The following MFAP3L variants were observed in gnomAD, a reference collection of about 807,000 sequenced individuals.
The protein encoded by MFAP3L is microfibril associated protein 3 like.
Under a neutral mutation model 20.0 loss-of-function variants are expected in MFAP3L, and 5 were observed. The observed-to-expected ratio is 0.25, with a 90% CI of 0.13 to 0.53. The LOEUF (loss-of-function observed/expected upper bound fraction) is 0.53. Ranked by LOEUF, MFAP3L falls within the 20% of genes least tolerant of loss-of-function variation. The probability of loss-of-function intolerance (pLI) is 0.96; values close to 1 mark genes in which losing one functional copy is unlikely to be tolerated. For missense variants in MFAP3L, 409 were observed against 527.5 expected, an observed-to-expected ratio of 0.78 and a Z score of 2.20; for synonymous variants, 219 against 213.0, an observed-to-expected ratio of 1.03 and a Z score of -0.25.
At chr4:170,023,322 A>G (rs1296666684) in intron 1 of MFAP3L, among the ~76,000 whole-genome samples, 2 of 152,102 alleles carry the variant, frequency 1.3e-5, no homozygotes, top group Non-Finnish European at 2.9e-5. Flanking sequence ...TCTAACTATA[A>G]AAGTTTGTGG....
chr4:170,002,189 T>C, intron 2 of MFAP3L: 2 of 985,338 alleles, frequency 2.0e-6, no homozygotes, highest in South Asian at 9.4e-5. Flanking sequence ...TCACTCAGTC[T>C]GAGTGAGAGG....
chr4:169,997,799 A>ATTATTTTTT (rs141898176), intron 2 of MFAP3L: 6 of 890,652 alleles, frequency 6.7e-6, no homozygotes, highest in African/African-American at 8.3e-5. Context: ...CCTTTCATTA[A>ATTATTTTTT]TTCTTTTTTT....
chr4:170,019,691 G>C (rs535618704), intron 1 of MFAP3L, among the ~76,000 whole-genome samples: 39 of 152,314 alleles, frequency 2.6e-4, no homozygotes, highest in African/African-American at 7.2e-4. Context: ...GACAATTCTG[G>C]AGCACTTTAT....
intron 2 of MFAP3L, chr4:170,005,375 C>T: frequency 3.2e-6 from 2 of 621,256 alleles, no homozygotes; most frequent in Non-Finnish European, 5.5e-6. Flanking sequence ...TGTGTTTGTC[C>T]TTTGTCTTCT....
At chr4:170,006,388 C>T (rs1439570383) in intron 1 of MFAP3L, among the ~76,000 whole-genome samples, 1 of 152,180 alleles carries the variant, frequency 6.6e-6, no homozygotes, top group Non-Finnish European at 1.5e-5. Context: ...GCTGGGATTA[C>T]AGGCGTGAGC....
chr4:169,994,272 G>A (rs1737964995), intron 2 of MFAP3L: 1 of 985,306 alleles, frequency 1.0e-6, no homozygotes, highest in South Asian at 4.7e-5. Flanking sequence ...TGTGAAGAAT[G>A]GTTAGGATCA....
chr4:170,014,702 C>T (rs901615051), intron 1 of MFAP3L, among the ~76,000 whole-genome samples: 14 of 152,182 alleles, frequency 9.2e-5, no homozygotes, highest in African/African-American at 3.1e-4. Flanking sequence ...AATTCTGGAT[C>T]GTTTGCAAAC....
chr4:169,994,621 T>C (rs1168004365), intron 2 of MFAP3L: 14 of 886,342 alleles, frequency 1.6e-5, no homozygotes, highest in African/African-American at 1.8e-5. Flanking sequence ...AACCAAGCAG[T>C]TCAATTTAGA....
chr4:170,000,193 T>C (rs73864512), intron 2 of MFAP3L, among the ~76,000 whole-genome samples: 2,269 of 152,290 alleles, frequency 0.015, 68 homozygotes, highest in African/African-American at 0.052. Context: ...TATGCAGAAG[T>C]GATGCACCAG....
At chr4:170,007,604 C>A (rs1739126751) in intron 1 of MFAP3L, among the ~76,000 whole-genome samples, 1 of 152,224 alleles carries the variant, frequency 6.6e-6, no homozygotes, top group African/African-American at 2.4e-5. Flanking sequence ...AATGATGCTT[C>A]TCCAATCTAT....
intron 2 of MFAP3L, chr4:170,001,823 C>A (rs938205410): frequency 4.4e-6 from 3 of 679,070 alleles, no homozygotes; most frequent in Non-Finnish European, 5.4e-6. Flanking sequence ...AGAGATCACA[C>A]ATTAGCCTCT....
At position 170,026,216 on chromosome 4, in the gene MFAP3L, C is replaced by T. The variant is rs1210830718; in HGVS notation, c.-134+18G>A. 5.1e-6 allele frequency: 5 copies of T among 984,328 alleles called. No homozygotes were observed. The highest frequency in any genetic ancestry group is 6.0e-6 in the Non-Finnish European group (5 of 829,444). 61.0% of individuals were successfully genotyped at this position (984,328 alleles called of 1,614,324 possible). The stretch of plus-strand genomic sequence containing the variant: ...ACCCGTGCCCCTCCGCCCCGGCCCG[C>T]CGGGGGCCCCCGCTAACCTGACACC... On this transcript the variant is annotated intron_variant, in intron 1 of 2. Transcript: ENST00000361618.
At position 169,994,523 on chromosome 4, in the gene MFAP3L, TTGAA is replaced by T. The variant is rs1184636375; in HGVS notation, c.299-2218_299-2215del. The T allele has an allele frequency of 5.1e-6, 5 of 974,808 alleles. No individual in the cohort carries two copies. In the African/African-American group the frequency reaches 8.8e-5, roughly 17 times the overall value. 60.4% of individuals were successfully genotyped at this position (974,808 alleles called of 1,614,324 possible). ...TACAACATCCCAATGCTTTCCTCTA[TTGAA>T]TATTTAAAAATGTTTCTGAACGTGA... On this transcript the variant is annotated intron_variant, in intron 2 of 2. Coordinates refer to ENST00000361618, the MANE Select transcript of MFAP3L (RefSeq NM_021647.8).
Position 169,989,571 on chromosome 4 carries a change from G to C in MFAP3L, c.*1807C>G, listed in dbSNP as rs560924797. Reference sequence around the variant, plus strand: ...ACTAGAAGGGATCCTGTAGACCCTCGAGTACTACCTGCATATTTTACAGAT... The same window carrying C: ...ACTAGAAGGGATCCTGTAGACCCTCCAGTACTACCTGCATATTTTACAGAT... On this transcript the variant is annotated 3_prime_UTR_variant, in exon 3 of 3. Coordinates refer to ENST00000361618, the MANE Select transcript of MFAP3L (RefSeq NM_021647.8). 3 of 152,154 alleles carry C rather than the reference G, an allele frequency of 2.0e-5. No homozygotes were observed. The highest frequency in any genetic ancestry group is 7.2e-5 in the African/African-American group (3 of 41,428). The allele number at this position is 152,154 out of a possible 1,614,324, so 9.4% of individuals were successfully genotyped here. A position where few individuals can be genotyped will look rare whatever the true frequency, so the allele number is the denominator to read the frequency against.
rs1739464273 is a variant in MFAP3L, at chr4:170,012,801, C to T, written c.-133-6791G>A. On this transcript the variant is annotated intron_variant, in intron 1 of 2. Coordinates refer to ENST00000361618, the MANE Select transcript of MFAP3L (RefSeq NM_021647.8). ...GTAGTGTTAGGATAATTTCCAGCTACTTAATGGGTAGAACTAAATATACAC... is the reference window on the plus strand; with the variant it reads ...GTAGTGTTAGGATAATTTCCAGCTATTTAATGGGTAGAACTAAATATACAC... Among the ~76,000 whole-genome samples, 3 of 152,180 alleles carry T rather than the reference C, an allele frequency of 2.0e-5. No individual in the cohort carries two copies. In the South Asian group the frequency reaches 6.2e-4, roughly 32 times the overall value.
intron 2 of MFAP3L, chr4:169,994,523 T>C (rs972572823): frequency 5.1e-6 from 5 of 974,808 alleles, no homozygotes; most frequent in African/African-American, 1.8e-5. Flanking sequence ...CTTTCCTCTA[T>C]TGAATATTTA....
Position 170,017,056 on chromosome 4 carries a change from G to A in MFAP3L, c.-134+9178C>T, listed in dbSNP as rs564876129. Among the ~76,000 whole-genome samples, 6 of 152,276 alleles carry A rather than the reference G, an allele frequency of 3.9e-5. No homozygotes were observed. The South Asian group carries it at 6.2e-4, about 16-fold the overall frequency. On this transcript the variant is annotated intron_variant, in intron 1 of 2. Coordinates refer to ENST00000361618, the MANE Select transcript of MFAP3L (RefSeq NM_021647.8). ...CCTGTGTCTGTGGTTGTTTGATTAA[G>A]ACCATTCAAATTCACAGCGTAGGAA...
rs182595859 is a variant in MFAP3L at position 170,022,628 on chromosome 4, T to A, written c.-134+3606A>T. ...GGGGCACGGAAGTTCAAACAGGTCT[T>A]AACGAGCCATCATTCAGGTGGGCCC... On this transcript the variant is annotated intron_variant, in intron 1 of 2. Transcript: ENST00000361618. Among the ~76,000 whole-genome samples the A allele has an allele frequency of 4.2e-4, 64 of 152,298 alleles. No homozygotes were observed. In the East Asian group the frequency reaches 0.012, roughly 29 times the overall value.
intron 1 of MFAP3L, among the ~76,000 whole-genome samples, chr4:170,022,737 G>C (rs1359921057): frequency 6.6e-6 from 1 of 152,150 alleles, no homozygotes; most frequent in African/African-American, 2.4e-5. Flanking sequence ...AGATTGGACT[G>C]GCCGCTCTGA....
Sources: allele counts gnomAD v4.1 joint callset (sites outside exome capture counted in the v4.1 genomes callset), GRCh38; gene constraint gnomAD v4.1.1; transcripts MANE v1.5; gene names NCBI Gene and HGNC (gene_info 2026-07-23, HGNC 2026-07-21).